Variants in YY1 observed in about 807,000 individuals in gnomAD.
YY1 encodes the protein transcriptional repressor protein YY1.
Under a neutral mutation model 35.6 loss-of-function variants are expected in YY1, and 2 were observed. That is an observed-to-expected ratio of 0.06 (90% CI 0.02 to 0.18). The LOEUF is 0.18. Ranked by LOEUF, YY1 falls within the 10% of genes least tolerant of loss-of-function variation. YY1 has a pLI of 1.00. For synonymous variants in YY1, 268 were observed against 238.9 expected (o/e 1.12, Z -1.12); for missense variants, 322 against 573.4 (o/e 0.56, Z 4.48).
At chr14:100,266,558 C>G (rs1891159983) in intron 2 of YY1, among the ~76,000 whole-genome samples, 1 of 152,110 alleles carries the variant, frequency 6.6e-6, no homozygotes, top group Non-Finnish European at 1.5e-5. Flanking sequence ...ACACATGTTA[C>G]TGTTGGGAAG....
At chr14:100,260,876 G>C (rs1891077678) in intron 1 of YY1, among the ~76,000 whole-genome samples, 1 of 129,302 alleles carries the variant, frequency 7.7e-6, no homozygotes, top group Admixed American at 9.7e-5. Flanking sequence ...GCTCACTACA[G>C]CCTCGACCTC....
rs1226046463 is a variant in YY1, at chr14:100,281,024, C to G, written c.*3424C>G. ...GCAGTGAGCCGAGATCGCACCACTG[C>G]ACTCCAGCCTGGGTGACAGAGCAAG... On this transcript the variant is annotated 3_prime_UTR_variant, in exon 5 of 5. Coordinates refer to ENST00000262238, the MANE Select transcript of YY1 (RefSeq NM_003403.5). The G allele has an allele frequency of 4.5e-5, 6 of 131,962 alleles. No individual in the cohort carries two copies. The highest frequency in any genetic ancestry group is 1.7e-4 in the African/African-American group (6 of 35,602). 8.2% of individuals were successfully genotyped at this position (131,962 alleles called of 1,614,324 possible). A position where few individuals can be genotyped will look rare whatever the true frequency, so the allele number is the denominator to read the frequency against.
At chr14:100,249,756 T>TTTTTG (rs1555369511) in intron 1 of YY1, among the ~76,000 whole-genome samples, 1 of 89,398 alleles carries the variant, frequency 1.1e-5, no homozygotes, top group African/African-American at 5.2e-5. Context: ...CCGTTTTTTT[T>TTTTTG]TTTGTTTGTT....
chr14:100,253,665 T>A (rs551238521), intron 1 of YY1, among the ~76,000 whole-genome samples: 42 of 152,290 alleles, frequency 2.8e-4, no homozygotes, highest in African/African-American at 1.0e-3. Context: ...GTGCTGGGAT[T>A]ATAGGCGTGA....
At position 100,277,962 on chromosome 14, in the gene YY1, G is replaced by T; in HGVS notation, c.*362G>T. The T allele has an allele frequency of 4.3e-6, 1 of 230,690 alleles. No individual in the cohort carries two copies. Among genetic ancestry groups the T allele is most frequent in the African/African-American group, 2.3e-5 (1 of 43,054 alleles). 14.3% of individuals were successfully genotyped at this position (230,690 alleles called of 1,614,324 possible). ...CTTATAAATATGAAGCTCACCTGTT[G>T]CTTACAATTTTTTTAATTTTGTATT... On this transcript the variant is annotated 3_prime_UTR_variant, in exon 5 of 5. Transcript: ENST00000262238. The surrounding 1 kb of genome is among the most constrained non-coding windows in gnomAD (Gnocchi z 5.6).
rs1042890 is a variant in YY1 at position 100,281,855 on chromosome 14, G to A, written c.*4255G>A. ...GTCAGGCAAGAGAGGGCTGGCCTCT[G>A]ACCCACAAGAGGGCAGATTTGTGGC... On this transcript the variant is annotated 3_prime_UTR_variant, in exon 5 of 5. Transcript: ENST00000262238. 0.93 allele frequency: 140,958 copies of A among 152,234 alleles called. 65,623 individuals are homozygous for A. The highest frequency in any genetic ancestry group is 1 in the East Asian group (5,176 of 5,180). 9.4% of individuals were successfully genotyped at this position (152,234 alleles called of 1,614,324 possible).
intron 1 of YY1, among the ~76,000 whole-genome samples, chr14:100,250,552 TAAAA>T (rs954142924): frequency 6.7e-6 from 1 of 150,144 alleles, no homozygotes. Context: ...CAGTCAAAAT[TAAAA>T]AAAAAGGAAC....
chr14:100,239,719 A>AGCGGCG lies in YY1; in HGVS notation c.484_489dup (p.Gly162_Gly163dup). On this transcript the variant is annotated inframe_insertion, in exon 1 of 5. Coordinates refer to ENST00000262238, the MANE Select transcript of YY1 (RefSeq NM_003403.5). ...GGTCACCGTGGCGGCGGCCGGCAAG[A>AGCGGCG]GCGGCGGCGGCGGCTCGTCGTCGTC... 6.3e-7 allele frequency: 1 copy of AGCGGCG among 1,590,988 alleles called. No individual in the cohort carries two copies. The highest frequency in any genetic ancestry group is 8.5e-7 in the Non-Finnish European group (1 of 1,173,882).
intron 1 of YY1, among the ~76,000 whole-genome samples, chr14:100,242,683 C>T (rs1210333432): frequency 6.6e-6 from 1 of 152,136 alleles, no homozygotes; most frequent in East Asian, 1.9e-4. Context: ...CCACCGCGCC[C>T]AGCCAAGTGG....
intron 1 of YY1, among the ~76,000 whole-genome samples, chr14:100,249,100 ATTTTTTTTTTTTTT>A (rs60088505): frequency 4.5e-4 from 21 of 46,838 alleles, no homozygotes; most frequent in South Asian, 3.1e-3. Context: ...TTCTCGTGTA[ATTTTTTTTTTTTTT>A]TTTTTTTTTT....
chr14:100,254,685 G>C (rs1890975155), intron 1 of YY1, among the ~76,000 whole-genome samples: 1 of 152,032 alleles, frequency 6.6e-6, no homozygotes, highest in East Asian at 1.9e-4. Flanking sequence ...TCGAACTCCT[G>C]ACCTTAGGTG....
intron 2 of YY1, among the ~76,000 whole-genome samples, chr14:100,267,622 C>G (rs1206747115): frequency 6.6e-6 from 1 of 151,856 alleles, no homozygotes; most frequent in Non-Finnish European, 1.5e-5. Context: ...CTCCTGGGTT[C>G]AAGCAATTCT....
In YY1 at chr14:100,277,423, G is replaced by C. The variant is rs146809790; in HGVS notation, c.1068G>C (p.Thr356=). The part of the protein sequence containing the change: ...VHTGEKPFQC[T]FEGCGKRFSL... ...CTCTGGTCTTTCCTTGACAGTGCAC[G>C]TTCGAAGGCTGTGGGAAACGCTTTT... The change falls in exon 5 of 5, where the codon ACG becomes ACC. Residue 356 remains threonine, a synonymous_variant. Transcript: ENST00000262238. This position sits in a 1 kb window ranked among gnomAD's most constrained non-coding sequence, Gnocchi z 5.6. The C allele has an allele frequency of 9.5e-5, 154 of 1,614,072 alleles. No homozygotes were observed. The highest frequency in any genetic ancestry group is 4.9e-4 in the Middle Eastern group (3 of 6,084).
intron 2 of YY1, chr14:100,263,733 C>G (rs1226327962): frequency 6.8e-6 from 1 of 146,690 alleles, no homozygotes; most frequent in Non-Finnish European, 1.5e-5. Context: ...TTTTTTTTTT[C>G]TTTTGAGAGC....
At chr14:100,260,130 G>C (rs898395802) in intron 1 of YY1, among the ~76,000 whole-genome samples, 2 of 152,104 alleles carry the variant, frequency 1.3e-5, no homozygotes, top group Non-Finnish European at 2.9e-5. Context: ...TGTTGCCCAG[G>C]GTGGAGTGCA....
intron 1 of YY1, among the ~76,000 whole-genome samples, chr14:100,248,932 C>T (rs1486413515): frequency 6.6e-6 from 1 of 151,640 alleles, no homozygotes; most frequent in Non-Finnish European, 1.5e-5. Context: ...CATGATCGGC[C>T]CGCCTTGGTC....
In YY1 at chr14:100,276,824, A is replaced by G. The variant is rs927499408; in HGVS notation, c.1062+176A>G. 36 of 828,890 alleles carry G rather than the reference A, an allele frequency of 4.3e-5. No individual in the cohort carries two copies. The highest frequency in any genetic ancestry group is 6.3e-5 in the Non-Finnish European group (33 of 520,090). The allele number at this position is 828,890 out of a possible 1,614,324, so 51.3% of individuals were successfully genotyped here. A position where few individuals can be genotyped will look rare whatever the true frequency, so the allele number is the denominator to read the frequency against. ...CTTAGAAGGGTTGCCGGGGCTCTGG[A>G]CATCCTTGTCTATACTCTGTGGTAC... On this transcript the variant is annotated intron_variant, in intron 4 of 4. Transcript: ENST00000262238. This position sits in a 1 kb window ranked among gnomAD's most constrained non-coding sequence, Gnocchi z 4.1.
In YY1 at chr14:100,279,466, C is replaced by T. The variant is rs976335008; in HGVS notation, c.*1866C>T. On this transcript the variant is annotated 3_prime_UTR_variant, in exon 5 of 5. Transcript: ENST00000262238. ...ATGAATGAAACATTTAACTTGAGACCCTTTAAAAAATTCATCCAGAATCTG... is the reference window on the plus strand; with the variant it reads ...ATGAATGAAACATTTAACTTGAGACTCTTTAAAAAATTCATCCAGAATCTG... The T allele has an allele frequency of 6.6e-6, 1 of 152,074 alleles. No homozygotes were observed. Among genetic ancestry groups the T allele is most frequent in the Non-Finnish European group, 1.5e-5 (1 of 68,036 alleles). The allele number at this position is 152,074 out of a possible 1,614,324, so 9.4% of individuals were successfully genotyped here.
intron 1 of YY1, among the ~76,000 whole-genome samples, chr14:100,258,596 G>T (rs1283571822): frequency 6.6e-6 from 1 of 152,056 alleles, no homozygotes; most frequent in Non-Finnish European, 1.5e-5. Context: ...CTCGTGATCC[G>T]CCCGCCTCGG....
Sources: allele counts gnomAD v4.1 joint callset (sites outside exome capture counted in the v4.1 genomes callset), GRCh38; gene constraint gnomAD v4.1.1; non-coding constraint Gnocchi (gnomAD v3.1); transcripts MANE v1.5; gene names NCBI Gene and HGNC (gene_info 2026-07-23, HGNC 2026-07-21).